The following ALKBH6 variants were observed in gnomAD, a reference collection of about 807,000 sequenced individuals.
ALKBH6 encodes alkB homolog 6, nucleotide demethylase, also known as probable RNA/DNA demethylase ALKBH6.
Under a neutral mutation model 25.1 loss-of-function variants are expected in ALKBH6, and 20 were observed. The ratio of observed to expected loss-of-function variants is 0.80; its 90% CI spans 0.56 to 1.16. The LOEUF (loss-of-function observed/expected upper bound fraction) is 1.16. Among genes scored for constraint, ALKBH6 ranks in the 50% most tolerant of loss-of-function variants. ALKBH6 has a pLI of 0.00. For missense variants in ALKBH6, 263 were observed against 326.5 expected (o/e 0.81, Z 1.50); for synonymous variants, 156 against 147.5 (o/e 1.06, Z -0.42).
At position 36,009,309 on chromosome 19, in the gene ALKBH6, C is replaced by A; in HGVS notation, c.698G>T (p.Gly233Val). ...TGGCGGTCACTTGCCCAGCAGGAGG[C>A]CGGCGCGCAGCACGCGGGGCACGCG... ...IRRVPRVLRAGLLLGK is the reference protein window; with the variant it reads ...IRRVPRVLRAVLLLGK Residue 233 changes from glycine to valine, a missense_variant, in exon 7 of 7, where the codon GGC becomes GTC. Gly to Val is a moderately radical substitution (Grantham distance 109). This residue lies in a region of ALKBH6 where 148 missense variants were observed against 157.5 expected (regional missense o/e 0.94). Transcript: ENST00000378875. 1 of 1,361,024 alleles carries A rather than the reference C, an allele frequency of 7.3e-7. No individual in the cohort carries two copies. Among genetic ancestry groups the A allele is most frequent in the South Asian group, 1.7e-5 (1 of 58,644 alleles). The allele number at this position is 1,361,024 out of a possible 1,614,324, so 84.3% of individuals were successfully genotyped here. A position where few individuals can be genotyped will look rare whatever the true frequency, so the allele number is the denominator to read the frequency against.
Position 36,010,785 on chromosome 19 carries a change from TG to T in ALKBH6, c.337-103del. 1.9e-6 allele frequency: 3 copies of T among 1,567,084 alleles called. No homozygotes were observed. The South Asian group carries it at 3.3e-5, about 17-fold the overall frequency. ...AGCCAGGGACAGGGAGGTGAATGCC[TG>T]TTTGGGAGATGTGGCTGCCTAATGA... On this transcript the variant is annotated intron_variant, in intron 5 of 6. Coordinates refer to ENST00000378875, the MANE Select transcript of ALKBH6 (RefSeq NM_032878.5). This position sits in a 1 kb window ranked among gnomAD's most constrained non-coding sequence, Gnocchi z 5.5.
At position 36,013,593 on chromosome 19, in the gene ALKBH6, G is replaced by A; in HGVS notation, c.-25-171C>T. ...TACAAGCCACACAGAGAGCCCCTAC[G>A]TTCCATGCCCGGACACAATGAGCCC... On this transcript the variant is annotated intron_variant, in intron 1 of 6. Coordinates refer to ENST00000378875, the MANE Select transcript of ALKBH6 (RefSeq NM_032878.5). The surrounding 1 kb of genome is among the most constrained non-coding windows in gnomAD (Gnocchi z 4.6). The A allele has an allele frequency of 7.0e-7, 1 of 1,426,476 alleles. No individual in the cohort carries two copies. The highest frequency in any genetic ancestry group is 1.5e-5 in the South Asian group (1 of 67,740). 88.4% of individuals were successfully genotyped at this position (1,426,476 alleles called of 1,614,324 possible).
At chr19:36,011,280 C>T in intron 4 of ALKBH6, 124 bp downstream of exon 4, 2 of 1,289,370 alleles carry the variant, frequency 1.6e-6, no homozygotes, top group South Asian at 1.4e-5. Flanking sequence ...CTTCAGAATC[C>T]TCCTGGCTCT....
In ALKBH6 at chr19:36,013,692, A is replaced by T. The variant is rs1968688914; in HGVS notation, c.-25-270T>A. On this transcript the variant is annotated intron_variant, in intron 1 of 6. Transcript: ENST00000378875. This position sits in a 1 kb window ranked among gnomAD's most constrained non-coding sequence, Gnocchi z 4.6. The stretch of plus-strand genomic sequence containing the variant: ...ACATATGCCTTCTCAATCCTCCCAC[A>T]GAGAACATTCTCTGGCCCCACACAC... 1 of 1,317,884 alleles carries T rather than the reference A, an allele frequency of 7.6e-7. No individual in the cohort carries two copies. The highest frequency in any genetic ancestry group is 1.5e-5 in the African/African-American group (1 of 66,650). 81.6% of individuals were successfully genotyped at this position (1,317,884 alleles called of 1,614,324 possible). A position where few individuals can be genotyped will look rare whatever the true frequency, so the allele number is the denominator to read the frequency against.
Position 36,010,736 on chromosome 19 carries a change from T to A in ALKBH6, c.337-53A>T. The A allele has an allele frequency of 1.3e-6, 2 of 1,587,254 alleles. No individual in the cohort carries two copies. Among genetic ancestry groups the A allele is most frequent in the South Asian group, 2.2e-5 (2 of 90,284 alleles). On this transcript the variant is annotated intron_variant, in intron 5 of 6. Coordinates refer to ENST00000378875, the MANE Select transcript of ALKBH6 (RefSeq NM_032878.5). This position sits in a 1 kb window ranked among gnomAD's most constrained non-coding sequence, Gnocchi z 5.5. ...GGGCAGGAGTCCACAACCCCCACCC[T>A]CTGGGTCAAAGGGGGGCTTCCCAAG...
chr19:36,010,418 G>A lies in ALKBH6; in HGVS notation c.453+149C>T, dbSNP rs1968565996. The A allele has an allele frequency of 1.5e-5, 11 of 709,708 alleles. No homozygotes were observed. The East Asian group carries it at 2.7e-4, about 18-fold the overall frequency. 44.0% of individuals were successfully genotyped at this position (709,708 alleles called of 1,614,324 possible). A position where few individuals can be genotyped will look rare whatever the true frequency, so the allele number is the denominator to read the frequency against. ...GTAAGCAGATGGGTTGGGTGTCTGGGAGGAAGTGGGTACACCCCATGAGGG... is the reference window on the plus strand; with the variant it reads ...GTAAGCAGATGGGTTGGGTGTCTGGAAGGAAGTGGGTACACCCCATGAGGG... On this transcript the variant is annotated intron_variant, in intron 6 of 6. Coordinates refer to ENST00000378875, the MANE Select transcript of ALKBH6 (RefSeq NM_032878.5). This position sits in a 1 kb window ranked among gnomAD's most constrained non-coding sequence, Gnocchi z 5.5.
At chr19:36,011,297 C>T in intron 4 of ALKBH6, 107 bp downstream of exon 4, 1 of 1,414,496 alleles carries the variant, frequency 7.1e-7, no homozygotes, top group Non-Finnish European at 9.7e-7. Flanking sequence ...CTCTTGGGGC[C>T]CCTTGAGCTG....
At position 36,013,706 on chromosome 19, in the gene ALKBH6, G is replaced by A. The variant is rs1968689284; in HGVS notation, c.-25-284C>T. 2 of 1,298,312 alleles carry A rather than the reference G, an allele frequency of 1.5e-6. No homozygotes were observed. Among genetic ancestry groups the A allele is most frequent in the Non-Finnish European group, 2.0e-6 (2 of 1,019,356 alleles). The allele number at this position is 1,298,312 out of a possible 1,614,324, so 80.4% of individuals were successfully genotyped here. A position where few individuals can be genotyped will look rare whatever the true frequency, so the allele number is the denominator to read the frequency against. On this transcript the variant is annotated intron_variant, in intron 1 of 6. Transcript: ENST00000378875. The surrounding 1 kb of genome is among the most constrained non-coding windows in gnomAD (Gnocchi z 4.6). ...AATCCTCCCACAGAGAACATTCTCT[G>A]GCCCCACACACAGGGAGCCTTTCTC...
chr19:36,011,538 G>A (rs750471811), intron 3 of ALKBH6, 74 bp from the exon 4 acceptor site: 6 of 1,517,264 alleles, frequency 4.0e-6, no homozygotes, highest in Admixed American at 1.8e-5. Context: ...ACCAACATAG[G>A]GGCCTTTACC....
Position 36,009,572 on chromosome 19 carries a change from G to T in ALKBH6, c.454-19C>A. 1 of 1,128,922 alleles carries T rather than the reference G, an allele frequency of 8.9e-7. No homozygotes were observed. The highest frequency in any genetic ancestry group is 4.5e-5 in the Admixed American group (1 of 22,466). 69.9% of individuals were successfully genotyped at this position (1,128,922 alleles called of 1,614,324 possible). A position where few individuals can be genotyped will look rare whatever the true frequency, so the allele number is the denominator to read the frequency against. On this transcript the variant is annotated intron_variant, in intron 6 of 6. Coordinates refer to ENST00000378875, the MANE Select transcript of ALKBH6 (RefSeq NM_032878.5). The stretch of plus-strand genomic sequence containing the variant: ...GCCGAGGCTGCAGGGCGGGTTGAGG[G>T]TCAGCAGGGCTCAAGAAGTCGGGGG...
intron 4 of ALKBH6, 56 bp from the exon 5 acceptor site, chr19:36,011,101 G>A (rs1442090390): frequency 6.5e-7 from 1 of 1,547,196 alleles, no homozygotes; most frequent in South Asian, 1.2e-5. Flanking sequence ...TCCCCCATTA[G>A]GGATTCCACA....
intron 6 of ALKBH6, 55 bp from the exon 7 acceptor site, chr19:36,009,608 G>GGGGGC: frequency 3.0e-6 from 1 of 336,930 alleles, no homozygotes; most frequent in East Asian, 8.5e-5. Flanking sequence ...GTGGGGGTGG[G>GGGGGC]CGAGAGGTCG....
intron 3 of ALKBH6, 37 bp downstream of exon 3, chr19:36,012,984 A>G: frequency 6.3e-7 from 1 of 1,577,618 alleles, no homozygotes; most frequent in Non-Finnish European, 8.7e-7. Context: ...GAATATGGGA[A>G]GAGTGGGAAA....
At chr19:36,009,608 G>GGGGGGGGGGGGGGGGGGC in intron 6 of ALKBH6, 55 bp from the exon 7 acceptor site, 1 of 336,932 alleles carries the variant, frequency 3.0e-6, no homozygotes, top group Non-Finnish European at 4.5e-6. Context: ...GTGGGGGTGG[G>GGGGGGGGGGGGGGGGGGC]CGAGAGGTCG....
At position 36,009,286 on chromosome 19, in the gene ALKBH6, G is replaced by A. The variant is rs1191012821; in HGVS notation, c.*4C>T. ...GGGAATCCGAGGGGTCCCGGCCCTG[G>A]CGGTCACTTGCCCAGCAGGAGGCCG... On this transcript the variant is annotated 3_prime_UTR_variant, in exon 7 of 7. Transcript: ENST00000378875. The A allele has an allele frequency of 7.4e-7, 1 of 1,349,024 alleles. No individual in the cohort carries two copies. The highest frequency in any genetic ancestry group is 9.5e-7 in the Non-Finnish European group (1 of 1,049,750). The allele number at this position is 1,349,024 out of a possible 1,614,324, so 83.6% of individuals were successfully genotyped here. A position where few individuals can be genotyped will look rare whatever the true frequency, so the allele number is the denominator to read the frequency against.
rs2145364880 is a variant in ALKBH6 at position 36,009,206 on chromosome 19, T to C, written c.*84A>G. 8.1e-7 allele frequency: 1 copy of C among 1,235,834 alleles called. No individual in the cohort carries two copies. Among genetic ancestry groups the C allele is most frequent in the Non-Finnish European group, 1.0e-6 (1 of 989,836 alleles). 76.6% of individuals were successfully genotyped at this position (1,235,834 alleles called of 1,614,324 possible). A position where few individuals can be genotyped will look rare whatever the true frequency, so the allele number is the denominator to read the frequency against. ...AATAAATAACCCAGGGGAGCCCCCT[T>C]TGCCCACGGTTCCTAGGTCGCGGAG... On this transcript the variant is annotated 3_prime_UTR_variant, in exon 7 of 7. Transcript: ENST00000378875.
chr19:36,013,042 CTCT>C lies in ALKBH6; in HGVS notation c.99_101del (p.Glu36del), dbSNP rs747923617. ...TCACCTGTCGAAGCAAATACTCCTC[CTCT>C]TCTTTGGAGATGAAGTCAGGGACAT... On this transcript the variant is annotated inframe_deletion, in exon 3 of 7. Coordinates refer to ENST00000378875, the MANE Select transcript of ALKBH6 (RefSeq NM_032878.5). This position sits in a 1 kb window ranked among gnomAD's most constrained non-coding sequence, Gnocchi z 4.6. 5 of 1,613,920 alleles carry C rather than the reference CTCT, an allele frequency of 3.1e-6. No individual in the cohort carries two copies. The African/African-American group carries it at 6.7e-5, about 22-fold the overall frequency.
rs534104688 is a variant in ALKBH6 at position 36,013,837 on chromosome 19, G to A, written c.-26+338C>T. 1 of 1,292,374 alleles carries A rather than the reference G, an allele frequency of 7.7e-7. No homozygotes were observed. The allele number at this position is 1,292,374 out of a possible 1,614,324, so 80.1% of individuals were successfully genotyped here. On this transcript the variant is annotated intron_variant, in intron 1 of 6. Coordinates refer to ENST00000378875, the MANE Select transcript of ALKBH6 (RefSeq NM_032878.5). The surrounding 1 kb of genome is among the most constrained non-coding windows in gnomAD (Gnocchi z 4.6). The stretch of plus-strand genomic sequence containing the variant: ...GTGAGCCCGGCTATCAACACTCAGC[G>A]ACCCCCGCCCCCCACCGAATCCCAT...
rs373078336 is a variant in ALKBH6, at chr19:36,010,731, C to T, written c.337-48G>A. On this transcript the variant is annotated intron_variant, in intron 5 of 6. Coordinates refer to ENST00000378875, the MANE Select transcript of ALKBH6 (RefSeq NM_032878.5). The surrounding 1 kb of genome is among the most constrained non-coding windows in gnomAD (Gnocchi z 5.5). ...GGGCAGGGCAGGAGTCCACAACCCC[C>T]ACCCTCTGGGTCAAAGGGGGGCTTC... is the stretch of plus-strand genomic sequence containing the variant. The T allele has an allele frequency of 6.9e-6, 11 of 1,590,282 alleles. No individual in the cohort carries two copies. Among genetic ancestry groups the T allele is most frequent in the Non-Finnish European group, 9.5e-6 (11 of 1,159,986 alleles).
Sources: gnomAD v4.1 joint callset for allele counts on GRCh38, gnomAD v4.1.1 for gene constraint, gnomAD v4.1.1 regional missense constraint, Gnocchi (gnomAD v3.1) non-coding constraint, MANE v1.5 for transcripts, NCBI Gene and HGNC (gene_info 2026-07-23, HGNC 2026-07-21) for gene names.